SLC13A1: variants seen among roughly 807,000 people sequenced by gnomAD.
SLC13A1 encodes solute carrier family 13 member 1.
A neutral mutation model predicts 70.0 loss-of-function variants in SLC13A1; 65 were observed. The ratio of observed to expected loss-of-function variants is 0.93; its 90% CI spans 0.76 to 1.14. The LOEUF (loss-of-function observed/expected upper bound fraction) is 1.14, where lower values mean the gene tolerates loss of function less well. SLC13A1 is among the 50% of genes most tolerant of loss of function. The pLI is 0.00. For synonymous variants in SLC13A1, 275 were observed against 250.5 expected (o/e 1.10, Z -0.92); for missense variants, 726 against 717.8 (o/e 1.01, Z -0.13).
chr7:123,169,564 G>A (rs1410604683), intron 3 of SLC13A1, among the ~76,000 whole-genome samples: 1 of 152,018 alleles, frequency 6.6e-6, no homozygotes, highest in Non-Finnish European at 1.5e-5. Flanking sequence ...TGTCTCCCAG[G>A]GAACCATGCA....
intron 8 of SLC13A1, among the ~76,000 whole-genome samples, chr7:123,132,460 C>T (rs1169447629): frequency 6.6e-6 from 1 of 152,112 alleles, no homozygotes; most frequent in Non-Finnish European, 1.5e-5. Context: ...CAACCTCCGC[C>T]TCCCAGGTTC....
chr7:123,147,248 A>G lies in SLC13A1; in HGVS notation c.723T>C (p.Cys241=). ...TGGTAGAAGAGTAGGCAATGCACAAACACGTAAGTTTACGTGTCACGTGGC... is the reference window on the plus strand; with the variant it reads ...TGGTAGAAGAGTAGGCAATGCACAAGCACGTAAGTTTACGTGTCACGTGGC... ...KKGHVTRKLT[C]LCIAYSSTIG... is the part of the protein sequence containing the mutation. Residue 241 remains cysteine (C), a synonymous_variant, in exon 7 of 15, where the codon TGT becomes TGC. Coordinates refer to ENST00000194130, the MANE Select transcript of SLC13A1 (RefSeq NM_022444.4). 6.2e-7 allele frequency: 1 copy of G among 1,613,722 alleles called. No homozygotes were observed. Among genetic ancestry groups the G allele is most frequent in the Non-Finnish European group, 8.5e-7 (1 of 1,179,832 alleles).
chr7:123,134,598 G>A, intron 7 of SLC13A1, 69 bp from the exon 8 acceptor site: 1 of 1,463,190 alleles, frequency 6.8e-7, no homozygotes, highest in Non-Finnish European at 9.4e-7. Context: ...TTGTCACAGG[G>A]AAGCAGCAGT....
chr7:123,162,076 C>T (rs1278274425), intron 6 of SLC13A1, among the ~76,000 whole-genome samples: 7 of 148,280 alleles, frequency 4.7e-5, no homozygotes, highest in African/African-American at 1.8e-4. Context: ...TAGGAGAACA[C>T]TGTTGAGTAT....
chr7:123,189,114 C>A (rs1264863886), intron 1 of SLC13A1, among the ~76,000 whole-genome samples: 590 of 99,428 alleles, frequency 5.9e-3, no homozygotes, highest in South Asian at 0.013. Flanking sequence ...GACTCCGTCT[C>A]AAAAAAAAAA....
intron 6 of SLC13A1, among the ~76,000 whole-genome samples, chr7:123,159,331 T>C (rs1036010849): frequency 6.6e-6 from 1 of 152,206 alleles, no homozygotes; most frequent in Non-Finnish European, 1.5e-5. Context: ...CAAAGAAGGA[T>C]GCCTAATCCG....
chr7:123,146,178 T>G (rs1414585145), intron 7 of SLC13A1, among the ~76,000 whole-genome samples: 1 of 152,188 alleles, frequency 6.6e-6, no homozygotes, highest in Non-Finnish European at 1.5e-5. Flanking sequence ...CTGTGACTAT[T>G]TTACATATGA....
chr7:123,180,863 A>C (rs1209692910), intron 2 of SLC13A1, 110 bp downstream of exon 2: 1 of 1,181,722 alleles, frequency 8.5e-7, no homozygotes, highest in Non-Finnish European at 1.2e-6. Flanking sequence ...TGGGGGACTT[A>C]TGTGGAACCT....
At chr7:123,156,271 A>G (rs1794710922) in intron 6 of SLC13A1, among the ~76,000 whole-genome samples, 1 of 152,202 alleles carries the variant, frequency 6.6e-6, no homozygotes, top group African/African-American at 2.4e-5. Context: ...AATTTGGATT[A>G]TATTTGAAAG....
At chr7:123,126,853 C>T (rs2204292) in intron 10 of SLC13A1, among the ~76,000 whole-genome samples, 86,773 of 151,716 alleles carry the variant, frequency 0.57, 24,925 homozygotes, top group East Asian at 0.66. Context: ...AACCAGATTT[C>T]GTTTTATATA....
chr7:123,130,883 T>G (rs904819673), intron 8 of SLC13A1, among the ~76,000 whole-genome samples: 1 of 152,204 alleles, frequency 6.6e-6, no homozygotes, highest in African/African-American at 2.4e-5. Flanking sequence ...CCTTCCTCAC[T>G]AATTTTCTGT....
intron 3 of SLC13A1, among the ~76,000 whole-genome samples, chr7:123,170,073 C>T (rs936518061): frequency 6.6e-6 from 1 of 151,990 alleles, no homozygotes; most frequent in Admixed American, 6.6e-5. Context: ...AAATTTTAAG[C>T]CATATCTATA....
At chr7:123,168,139 T>TA (rs1249033569) in intron 6 of SLC13A1, among the ~76,000 whole-genome samples, 1 of 152,108 alleles carries the variant, frequency 6.6e-6, no homozygotes, top group Non-Finnish European at 1.5e-5. Context: ...CTGATTCTGG[T>TA]AAAAAGAGAA....
intron 2 of SLC13A1, among the ~76,000 whole-genome samples, chr7:123,176,008 C>T (rs909683254): frequency 6.6e-5 from 10 of 152,160 alleles, no homozygotes; most frequent in African/African-American, 2.4e-4. Context: ...TCTGTCATGG[C>T]ACAAAATAGC....
chr7:123,129,043 A>G (rs948692440), intron 9 of SLC13A1, 97 bp from the exon 10 acceptor site: 5 of 813,208 alleles, frequency 6.1e-6, no homozygotes, highest in Middle Eastern at 2.3e-4. Context: ...GCAGTAGAAC[A>G]CTAAACACTG....
At chr7:123,149,515 G>A (rs1563332652) in intron 6 of SLC13A1, 1 of 456,452 alleles carries the variant, frequency 2.2e-6, no homozygotes, top group Non-Finnish European at 4.4e-6. Flanking sequence ...GGGCACTGGG[G>A]AAATACTCCA....
chr7:123,137,098 TAGTA>T (rs952664017), intron 7 of SLC13A1, among the ~76,000 whole-genome samples: 6 of 152,164 alleles, frequency 3.9e-5, no homozygotes, highest in African/African-American at 1.4e-4. Context: ...AATTGGAACG[TAGTA>T]AGTTAGTAAC....
Position 123,117,540 on chromosome 7 carries a change from G to A in SLC13A1, c.1581C>T (p.Phe527=). ...TGGGTGGATTTGCTACTGGTAGGAG[G>A]AATGCAAATGAAGTACACAGAGTAG... ...IPSTLCTSFA[F]LLPVANPPNA... Residue 527 remains phenylalanine, a synonymous_variant, in exon 14 of 15, where the codon TTC becomes TTT. Transcript: ENST00000194130. The A allele has an allele frequency of 6.2e-7, 1 of 1,610,784 alleles. No individual in the cohort carries two copies. Among genetic ancestry groups the A allele is most frequent in the South Asian group, 1.1e-5 (1 of 91,004 alleles).
chr7:123,148,694 T>C (rs1585332119), intron 6 of SLC13A1: 2 of 249,530 alleles, frequency 8.0e-6, no homozygotes, highest in Non-Finnish European at 1.6e-5. Context: ...GTGCCCTATT[T>C]AATAAGAAAA....
Sources: gnomAD v4.1 joint callset for allele counts (sites outside exome capture counted in the v4.1 genomes callset) on GRCh38, gnomAD v4.1.1 for gene constraint, MANE v1.5 for transcripts, NCBI Gene and HGNC (gene_info 2026-07-23, HGNC 2026-07-21) for gene names.